Variants in MADD observed in about 807,000 individuals in gnomAD.
The protein encoded by MADD is MAP kinase-activating death domain protein.
MADD carries 109 observed loss-of-function variants against 176.7 expected under a neutral mutation model. The observed-to-expected ratio is 0.62, with a 90% CI of 0.53 to 0.72. The LOEUF is 0.72. MADD is among the 30% of genes least tolerant of loss of function. The pLI, the probability that MADD is intolerant of heterozygous loss-of-function variation, is 0.00. For missense variants in MADD, 1,914 were observed against 2,045.5 expected (o/e 0.94, Z 1.24); for synonymous variants, 771 against 771.3 (o/e 1.00, Z 0.01).
rs2095366851 is a variant in MADD, at chr11:47,325,671, C to T, written c.4543-1067C>T. 6.6e-6 allele frequency among the ~76,000 whole-genome samples: 1 copy of T among 152,204 alleles called. No individual in the cohort carries two copies. Among genetic ancestry groups the T allele is most frequent in the Non-Finnish European group, 1.5e-5 (1 of 68,038 alleles). ...TAGGACCATCCCAGAGAGGGGTCTACCTAAGTGCTTTTCTGGACCACAAAG... is the reference window on the plus strand; with the variant it reads ...TAGGACCATCCCAGAGAGGGGTCTATCTAAGTGCTTTTCTGGACCACAAAG... On this transcript the variant is annotated intron_variant, in intron 30 of 32. Coordinates refer to ENST00000402192, the Ensembl canonical transcript of MADD. The surrounding 1 kb of genome is among the most constrained non-coding windows in gnomAD (Gnocchi z 4.5).
chr11:47,322,409 T>C (rs2094611345), intron 27 of MADD, among the ~76,000 whole-genome samples: 1 of 152,062 alleles, frequency 6.6e-6, no homozygotes, highest in Non-Finnish European at 1.5e-5. Context: ...AGATCAAGAC[T>C]ATCCTTGCTA....
intron 27 of MADD, among the ~76,000 whole-genome samples, chr11:47,322,553 A>G (rs1234592056): frequency 6.6e-6 from 1 of 152,186 alleles, no homozygotes; most frequent in Non-Finnish European, 1.5e-5. Flanking sequence ...CGGAGCTTGC[A>G]GTGAGACGGG....
At position 47,325,083 on chromosome 11, in the gene MADD, T is replaced by A. The variant is rs2095276505; in HGVS notation, c.4542+506T>A. 3.4e-6 allele frequency: 1 copy of A among 292,948 alleles called. No homozygotes were observed. The highest frequency in any genetic ancestry group is 6.5e-6 in the Non-Finnish European group (1 of 154,808). 18.1% of individuals were successfully genotyped at this position (292,948 alleles called of 1,614,324 possible). A position where few individuals can be genotyped will look rare whatever the true frequency, so the allele number is the denominator to read the frequency against. On this transcript the variant is annotated intron_variant, in intron 30 of 32. Coordinates refer to ENST00000402192, the Ensembl canonical transcript of MADD. The surrounding 1 kb of genome is among the most constrained non-coding windows in gnomAD (Gnocchi z 4.5). ...TGGAGTGTGTTTATTTGCCTTTTTC[T>A]TCTGCGGATTCTTCTTCCTGTTCTT...
chr11:47,278,962 C>A, intron 6 of MADD, 37 bp from the exon 7 acceptor site: 1 of 1,583,450 alleles, frequency 6.3e-7, no homozygotes, highest in Non-Finnish European at 8.7e-7. Flanking sequence ...GAGCAATAAA[C>A]TCTAAGGTCA....
intron 27 of MADD, 38 bp from the exon 31 acceptor site, chr11:47,323,633 A>G: frequency 6.2e-7 from 1 of 1,603,522 alleles, no homozygotes; most frequent in South Asian, 1.1e-5. Context: ...AGGCTGTCAG[A>G]GACAGGAACC....
chr11:47,320,474 A>T (rs2094266003), intron 27 of MADD, among the ~76,000 whole-genome samples: 2 of 151,156 alleles, frequency 1.3e-5, no homozygotes, highest in Admixed American at 1.3e-4. Context: ...ATTTAAAAAA[A>T]TGAAATATAT....
intron 1 of MADD, 93 bp from the exon 2 acceptor site, chr11:47,273,734 C>T (rs1416126467): frequency 1.1e-5 from 6 of 569,138 alleles, no homozygotes; most frequent in Non-Finnish European, 1.9e-5. Context: ...AGTGGAAGAC[C>T]TTCTGACCTC....
rs555151412 is a variant in MADD at position 47,289,416 on chromosome 11, G to T, written c.2679G>T (p.Gln893His). 31 of 1,614,166 alleles carry T rather than the reference G, an allele frequency of 1.9e-5. No homozygotes were observed. In the South Asian group the frequency reaches 2.7e-4, roughly 14 times the overall value. ...GAAACAGGAGGGCGTTAGTGGATCA[G>T]AAGTCATCTGTCATTAAACACAGCC... Residue 893 changes from glutamine (Q) to histidine (H), a missense_variant, in exon 16 of 33, where the codon CAG becomes CAT. This residue lies in a region of MADD where 1,767 missense variants were observed against 1,836.0 expected (regional missense o/e 0.96). Transcript: ENST00000402192.
intron 25 of MADD, among the ~76,000 whole-genome samples, chr11:47,310,107 G>A (rs1448006045): frequency 1.3e-5 from 2 of 151,956 alleles, no homozygotes; most frequent in Admixed American, 6.6e-5. Flanking sequence ...CTCCCAAAGC[G>A]CTGGGATTAC....
chr11:47,284,397 A>G, exon 12 of MADD: 1 of 1,614,140 alleles, frequency 6.2e-7, no homozygotes, highest in South Asian at 1.1e-5. Flanking sequence ...TGACACATGC[A>G]GCACTGGGGG....
intron 19 of MADD, among the ~76,000 whole-genome samples, chr11:47,292,923 G>C (rs1250676157): frequency 6.6e-6 from 1 of 152,148 alleles, no homozygotes; most frequent in African/African-American, 2.4e-5. Context: ...CTGTTAGAAG[G>C]CCTGTGGGCA....
chr11:47,275,944 G>T lies in MADD; in HGVS notation c.705G>T (p.Glu235Asp), dbSNP rs2049457369. ...TTACTGGATCGCTGCTGGTAGAGGA[G>T]AAGTCAAGTGCCCTTCTGCATGACC... The change falls in exon 4 of 33, where the codon GAG (glutamate) becomes GAT (aspartate). Residue 235 changes from glutamate to aspartate, a missense_variant. By Grantham distance (45) the Glu-to-Asp change is conservative. Around this residue, in one of 2 missense-constraint regions of MADD, gnomAD observed 1,767 missense variants for 1,836.0 expected, o/e 0.96. Coordinates refer to ENST00000402192, the Ensembl canonical transcript of MADD. 4 of 1,613,834 alleles carry T rather than the reference G, an allele frequency of 2.5e-6. No homozygotes were observed. The East Asian group carries it at 8.9e-5, about 36-fold the overall frequency.
intron 21 of MADD, 27 bp from the exon 24 acceptor site, chr11:47,295,870 T>G: frequency 6.3e-7 from 1 of 1,599,870 alleles, no homozygotes; most frequent in Non-Finnish European, 8.5e-7. Flanking sequence ...CTGGGGACTG[T>G]CTCTTACTAC....
chr11:47,309,115 T>TGG, intron 23 of MADD, 73 bp downstream of exon 26: 1 of 1,566,408 alleles, frequency 6.4e-7, no homozygotes, highest in Non-Finnish European at 8.8e-7. Flanking sequence ...TGGAGGCATC[T>TGG]GGGGCTGGTG....
chr11:47,328,685 A>G, exon 32 of MADD: 3 of 1,614,216 alleles, frequency 1.9e-6, no homozygotes, highest in Non-Finnish European at 2.5e-6. Context: ...GTGGTGAGCC[A>G]CAAGTACAAG....
intron 1 of MADD, chr11:47,270,845 C>G (rs548660316): frequency 1.2e-4 from 18 of 152,552 alleles, no homozygotes; most frequent in African/African-American, 4.3e-4. Flanking sequence ...CTCCCATACG[C>G]TGGACCAGTC....
chr11:47,289,311 C>T, intron 15 of MADD, 80 bp from the exon 17 acceptor site: 1 of 1,195,152 alleles, frequency 8.4e-7, no homozygotes, highest in Non-Finnish European at 1.2e-6. Context: ...GGGCATGGAA[C>T]ATGGCTACTT....
chr11:47,308,926 CTTCCTTTCT>C (rs1464972664), intron 23 of MADD, 45 bp from the exon 26 acceptor site: 9 of 1,542,902 alleles, frequency 5.8e-6, no homozygotes, highest in Non-Finnish European at 8.1e-6. Context: ...GCCTTTCTGT[CTTCCTTTCT>C]TTCCTTTCTT....
upstream of MADD, chr11:47,269,945 T>A (rs1958618202): frequency 1.3e-5 from 2 of 152,138 alleles, 1 homozygote; most frequent in South Asian, 4.1e-4. Flanking sequence ...GCGACGGCGC[T>A]GGGTCGGCCT....
Sources: allele counts gnomAD v4.1 joint callset (sites outside exome capture counted in the v4.1 genomes callset), GRCh38; gene constraint gnomAD v4.1.1; regional missense constraint gnomAD v4.1.1; non-coding constraint Gnocchi (gnomAD v3.1); transcripts MANE v1.5; gene names NCBI Gene and HGNC (gene_info 2026-07-23, HGNC 2026-07-21).